Variants in MS4A18 observed in about 807,000 individuals in gnomAD.
MS4A18 encodes the protein membrane spanning 4-domains A18, also known as membrane-spanning 4-domains subfamily A member 18.
MS4A18 carries 27 observed loss-of-function variants against 13.1 expected under a neutral mutation model. That is an observed-to-expected ratio of 2.06 (90% CI 1.52 to 2.84). MS4A18 has a LOEUF of 2.84. Ranked by LOEUF, MS4A18 falls within the 30% of genes most tolerant of loss-of-function variation. The probability of loss-of-function intolerance (pLI) is 0.00; values close to 1 mark genes in which losing one functional copy is unlikely to be tolerated. For synonymous variants in MS4A18, 126 were observed against 76.5 expected, an observed-to-expected ratio of 1.65 and a Z score of -3.38; for missense variants, 307 against 196.4, an observed-to-expected ratio of 1.56 and a Z score of -3.37.
chr11:60,737,281 C>T (rs1037074768), intron 3 of MS4A18, among the ~76,000 whole-genome samples: 1 of 152,210 alleles, frequency 6.6e-6, no homozygotes, highest in African/African-American at 2.4e-5. Context: ...GAGTACATGG[C>T]AGAGCTGGGA....
At chr11:60,740,763 C>G (rs976278519) in intron 4 of MS4A18, among the ~76,000 whole-genome samples, 1 of 152,156 alleles carries the variant, frequency 6.6e-6, no homozygotes, top group Admixed American at 6.5e-5. Flanking sequence ...GAACTTTGAG[C>G]CTGTGCAAAC....
intron 1 of MS4A18, among the ~76,000 whole-genome samples, chr11:60,732,517 C>T (rs918688460): frequency 1.4e-4 from 22 of 151,844 alleles, no homozygotes; most frequent in Admixed American, 6.6e-5. Flanking sequence ...TTCACGAGGT[C>T]AGGAGATCGA....
At chr11:60,731,992 C>T (rs1853261037) in intron 1 of MS4A18, among the ~76,000 whole-genome samples, 1 of 152,000 alleles carries the variant, frequency 6.6e-6, no homozygotes, top group African/African-American at 2.4e-5. Context: ...TCAAGCATGT[C>T]GCCTTAGGAA....
At chr11:60,741,190 G>A in intron 5 of MS4A18, 47 bp downstream of exon 6, 1 of 702,892 alleles carries the variant, frequency 1.4e-6, no homozygotes, top group Non-Finnish European at 2.6e-6. Flanking sequence ...CTCTGGAGTT[G>A]GGTGTGGGCT....
rs142352318 is a variant in MS4A18 at position 60,729,719 on chromosome 11, C to T, written c.404C>T (p.Thr135Met). Reference sequence around the variant, plus strand: ...ACCTCAAACTCATCCCAGTGGAACACGTCATTTGCATCATTTACTTCATTT... The same window carrying T: ...ACCTCAAACTCATCCCAGTGGAACATGTCATTTGCATCATTTACTTCATTT... The change falls in exon 1 of 6, where the codon ACG (threonine) becomes ATG (methionine). Residue 135 changes from threonine to methionine, a missense_variant. Thr to Met is a moderately conservative substitution (Grantham distance 81, BLOSUM62 -1). Transcript: ENST00000529108. 4.1e-4 allele frequency: 287 copies of T among 702,744 alleles called. No individual in the cohort carries two copies. In the East Asian group the frequency reaches 7.3e-3, roughly 18 times the overall value. 43.5% of individuals were successfully genotyped at this position (702,744 alleles called of 1,614,324 possible). A position where few individuals can be genotyped will look rare whatever the true frequency, so the allele number is the denominator to read the frequency against.
At chr11:60,743,098 C>T (rs1853431966) in intron 5 of MS4A18, among the ~76,000 whole-genome samples, 1 of 152,234 alleles carries the variant, frequency 6.6e-6, no homozygotes, top group African/African-American at 2.4e-5. Context: ...AGTCCCAAAC[C>T]CAATGCATGT....
intron 1 of MS4A18, among the ~76,000 whole-genome samples, chr11:60,731,734 G>T (rs910348451): frequency 6.6e-6 from 1 of 152,170 alleles, no homozygotes; most frequent in Non-Finnish European, 1.5e-5. Flanking sequence ...AACAGTTGTT[G>T]GCCAAAGATT....
At chr11:60,742,378 T>C (rs995620639) in intron 5 of MS4A18, among the ~76,000 whole-genome samples, 7 of 152,246 alleles carry the variant, frequency 4.6e-5, no homozygotes. Flanking sequence ...TTGGTAATCC[T>C]GTTACTAATA....
intron 2 of MS4A18, among the ~76,000 whole-genome samples, 192 bp from the exon 4 acceptor site, chr11:60,736,786 G>T (rs1482633262): frequency 1.3e-5 from 2 of 152,136 alleles, no homozygotes; most frequent in South Asian, 2.1e-4. Context: ...TGAGTATCAC[G>T]GTATTTAGTA....
chr11:60,743,859 C>T, exon 6 of MS4A18: 1 of 703,026 alleles, frequency 1.4e-6, no homozygotes, highest in South Asian at 1.5e-5. Flanking sequence ...CTGGTCCTGT[C>T]AATGCTAACA....
intron 5 of MS4A18, 147 bp downstream of exon 6, chr11:60,741,290 C>A: frequency 1.5e-6 from 1 of 654,352 alleles, no homozygotes; most frequent in Non-Finnish European, 2.8e-6. Flanking sequence ...TACCCCAGAA[C>A]TTAGTGACTT....
intron 2 of MS4A18, 27 bp from the exon 4 acceptor site, chr11:60,736,951 C>CTTT (rs751418835): frequency 4.7e-4 from 301 of 633,828 alleles, no homozygotes; most frequent in African/African-American, 3.7e-3. Flanking sequence ...ATTGGTCATT[C>CTTT]TTTTTTTTTT....
chr11:60,744,872 G>T (rs1853463767), downstream of MS4A18, among the ~76,000 whole-genome samples: 1 of 152,198 alleles, frequency 6.6e-6, no homozygotes, highest in Non-Finnish European at 1.5e-5. Context: ...CAGAGCAACT[G>T]GAGGTCTCAG....
At chr11:60,728,387 T>C (rs1853195423), upstream of MS4A18, among the ~76,000 whole-genome samples, 2 of 150,628 alleles carry the variant, frequency 1.3e-5, no homozygotes, top group South Asian at 4.2e-4. Context: ...GTAGTATCTG[T>C]GTGTATGTGT....
intron 5 of MS4A18, among the ~76,000 whole-genome samples, chr11:60,742,748 T>C (rs1344781453): frequency 6.6e-6 from 1 of 152,204 alleles, no homozygotes; most frequent in Non-Finnish European, 1.5e-5. Context: ...AGTCCTGGGC[T>C]CTCTTCTTTG....
intron 4 of MS4A18, among the ~76,000 whole-genome samples, chr11:60,740,779 A>G (rs1853402706): frequency 6.6e-6 from 1 of 152,194 alleles, no homozygotes; most frequent in Non-Finnish European, 1.5e-5. Flanking sequence ...CAAACAGCAA[A>G]GTAGGCTTCA....
intron 1 of MS4A18, among the ~76,000 whole-genome samples, chr11:60,730,728 G>T (rs1853241501): frequency 6.6e-6 from 1 of 152,186 alleles, no homozygotes; most frequent in African/African-American, 2.4e-5. Flanking sequence ...CCAGGAACAA[G>T]GCGTTGTTTG....
upstream of MS4A18, among the ~76,000 whole-genome samples, chr11:60,725,011 T>C (rs1454184865): frequency 6.6e-6 from 1 of 152,056 alleles, no homozygotes; most frequent in Non-Finnish European, 1.5e-5. Context: ...CACAACAGGT[T>C]CTCAAATTGA....
At chr11:60,728,349 G>A (rs1003889265), upstream of MS4A18, among the ~76,000 whole-genome samples, 7 of 152,098 alleles carry the variant, frequency 4.6e-5, no homozygotes, top group African/African-American at 9.7e-5. Context: ...ACCTAGAACC[G>A]AGAGTCAAAA....
Sources: gnomAD v4.1 joint callset for allele counts (sites outside exome capture counted in the v4.1 genomes callset) on GRCh38, gnomAD v4.1.1 for gene constraint, MANE v1.5 for transcripts, NCBI Gene and HGNC (gene_info 2026-07-23, HGNC 2026-07-21) for gene names.